Variants in HTR1F observed in about 807,000 individuals in gnomAD.
The protein encoded by HTR1F is 5-hydroxytryptamine (serotonin) receptor 1F, G protein-coupled.
In HTR1F, 17 loss-of-function variants were observed where a neutral mutation model predicts 24.0. The ratio of observed to expected loss-of-function variants is 0.71; its 90% confidence interval spans 0.48 to 1.06. The LOEUF is 1.06. Among genes scored for constraint, HTR1F ranks in the 50% least tolerant of loss-of-function variants. The probability of loss-of-function intolerance (pLI) is 0.00; values close to 1 mark genes in which losing one functional copy is unlikely to be tolerated. For synonymous variants in HTR1F, 186 were observed against 156.8 expected, an observed-to-expected ratio of 1.19 and a Z score of -1.39; for missense variants, 391 against 427.8, an observed-to-expected ratio of 0.91 and a Z score of 0.76.
At chr3:87,968,348 G>A (rs551892954) in intron 2 of HTR1F, among the ~76,000 whole-genome samples, 1 of 152,056 alleles carries the variant, frequency 6.6e-6, no homozygotes, top group African/African-American at 2.4e-5. Context: ...AAGTAGCTGC[G>A]ATTACAGATG....
At chr3:87,836,270 A>G (rs1239847815) in intron 2 of HTR1F, among the ~76,000 whole-genome samples, 1 of 152,208 alleles carries the variant, frequency 6.6e-6, no homozygotes, top group Non-Finnish European at 1.5e-5. Flanking sequence ...TAGTCATAAA[A>G]TTACCATTAG....
intron 2 of HTR1F, among the ~76,000 whole-genome samples, chr3:87,980,120 C>G (rs946991110): frequency 2.6e-5 from 4 of 152,182 alleles, no homozygotes; most frequent in Non-Finnish European, 4.4e-5. Flanking sequence ...TTCAGTGGGT[C>G]CCAAATTCTT....
intron 2 of HTR1F, among the ~76,000 whole-genome samples, chr3:87,858,786 C>G (rs1381067637): frequency 6.6e-6 from 1 of 152,058 alleles, no homozygotes; most frequent in Non-Finnish European, 1.5e-5. Flanking sequence ...TGAAAGTGAG[C>G]ACATCCTCTG....
chr3:87,794,385 G>C lies in HTR1F; in HGVS notation c.-160+1543G>C, dbSNP rs149635018. Among the ~76,000 whole-genome samples, 941 of 152,292 alleles carry C rather than the reference G, an allele frequency of 6.2e-3. 18 individuals are homozygous for C. Among genetic ancestry groups the C allele is most frequent in the Non-Finnish European group, 4.6e-3 (316 of 68,038 alleles). The stretch of plus-strand genomic sequence containing the variant: ...GTTTCAAAGTGAGTCTTGAGAATGA[G>C]AGTATGTATTCACTGTTTCCAATCA... On this transcript the variant is annotated intron_variant, in intron 1 of 2. Coordinates refer to ENST00000319595, the MANE Select transcript of HTR1F (RefSeq NM_001322209.2).
At chr3:87,898,823 T>C (rs1706258105) in intron 2 of HTR1F, among the ~76,000 whole-genome samples, 1 of 152,162 alleles carries the variant, frequency 6.6e-6, no homozygotes, top group African/African-American at 2.4e-5. Flanking sequence ...TATAAGCAAC[T>C]CAGAGAAATC....
At chr3:87,857,467 T>C (rs892454424) in intron 2 of HTR1F, among the ~76,000 whole-genome samples, 2 of 152,162 alleles carry the variant, frequency 1.3e-5, no homozygotes, top group Non-Finnish European at 2.9e-5. Flanking sequence ...AGTTCTAGTA[T>C]TATTTTTCCA....
In HTR1F at chr3:87,792,802, C is replaced by T. The variant is rs1000745661; in HGVS notation, c.-200C>T. The stretch of plus-strand genomic sequence containing the variant: ...CCCTCCCGCGCCCCGGGGCTGGGGG[C>T]GCCACCTTGCCAGCTCCGACTGCTG... On this transcript the variant is annotated 5_prime_UTR_variant, in exon 1 of 3. Coordinates refer to ENST00000319595, the MANE Select transcript of HTR1F (RefSeq NM_001322209.2). 1.3e-5 allele frequency among the ~76,000 whole-genome samples: 2 copies of T among 152,174 alleles called. No homozygotes were observed. Among genetic ancestry groups the T allele is most frequent in the African/African-American group, 4.8e-5 (2 of 41,444 alleles).
intron 2 of HTR1F, among the ~76,000 whole-genome samples, chr3:87,915,053 G>A (rs1319505671): frequency 1.3e-5 from 2 of 152,148 alleles, no homozygotes. Context: ...CCCAGTACCA[G>A]CCCAGAGGCA....
intron 2 of HTR1F, among the ~76,000 whole-genome samples, chr3:87,988,323 C>A (rs1449843574): frequency 4.1e-5 from 6 of 146,258 alleles, no homozygotes; most frequent in Admixed American, 2.7e-4. Context: ...AAAAAAAAAA[C>A]AGAAAGGCAA....
At position 87,842,065 on chromosome 3, in the gene HTR1F, C is replaced by T. The variant is rs182728150; in HGVS notation, c.-43+19941C>T. On this transcript the variant is annotated intron_variant, in intron 2 of 2. Coordinates refer to ENST00000319595, the MANE Select transcript of HTR1F (RefSeq NM_001322209.2). ...TGATTAGATTGGAAAAGAATTTCTT[C>T]ATTCCCATTAAGGTTACATTGTATA... 2.2e-3 allele frequency among the ~76,000 whole-genome samples: 335 copies of T among 151,948 alleles called. 9 individuals carry two copies. The highest frequency in any genetic ancestry group is 0.02 in the Admixed American group (303 of 15,272).
chr3:87,846,840 C>G (rs530213435), intron 2 of HTR1F, among the ~76,000 whole-genome samples: 1 of 151,940 alleles, frequency 6.6e-6, no homozygotes, highest in South Asian at 2.1e-4. Flanking sequence ...GTTTTTCCTG[C>G]TGGAGTTGAA....
At chr3:87,911,718 A>C (rs188395764) in intron 2 of HTR1F, among the ~76,000 whole-genome samples, 60 of 152,126 alleles carry the variant, frequency 3.9e-4, no homozygotes, top group African/African-American at 1.4e-3. Context: ...CTAATCCACC[A>C]CTCTCAAGTA....
At chr3:87,834,464 T>G (rs1195609338) in intron 2 of HTR1F, among the ~76,000 whole-genome samples, 2 of 152,024 alleles carry the variant, frequency 1.3e-5, no homozygotes, top group Non-Finnish European at 2.9e-5. Context: ...CTATTTCCCA[T>G]TAGTCTGTTT....
chr3:87,836,892 A>C (rs1190540926), intron 2 of HTR1F, among the ~76,000 whole-genome samples: 1 of 120,394 alleles, frequency 8.3e-6, no homozygotes, highest in Non-Finnish European at 1.6e-5. Context: ...ATTATAAATT[A>C]ATTATAACTT....
At chr3:87,923,301 T>C (rs533181783) in intron 2 of HTR1F, among the ~76,000 whole-genome samples, 1 of 152,128 alleles carries the variant, frequency 6.6e-6, no homozygotes, top group Admixed American at 6.6e-5. Flanking sequence ...CTGTGAATCA[T>C]GTTATTGGTA....
chr3:87,937,378 G>A (rs111265140), intron 2 of HTR1F, among the ~76,000 whole-genome samples: 1 of 152,118 alleles, frequency 6.6e-6, no homozygotes, highest in Non-Finnish European at 1.5e-5. Context: ...CGACATGATT[G>A]TCTCAGTAGA....
intron 1 of HTR1F, among the ~76,000 whole-genome samples, chr3:87,807,150 CT>C (rs1235463469): frequency 3.3e-5 from 5 of 151,810 alleles, no homozygotes; most frequent in Non-Finnish European, 5.9e-5. Context: ...ATTATTTTTT[CT>C]ATTTCTGTAA....
intron 2 of HTR1F, among the ~76,000 whole-genome samples, chr3:87,966,274 G>A (rs1426504882): frequency 2.0e-5 from 3 of 152,068 alleles, no homozygotes; most frequent in African/African-American, 7.3e-5. Context: ...ACCTCCCAAA[G>A]ACCTCCCCTC....
At chr3:87,913,214 C>T (rs1043841760) in intron 2 of HTR1F, among the ~76,000 whole-genome samples, 6 of 151,862 alleles carry the variant, frequency 4.0e-5, no homozygotes, top group Non-Finnish European at 7.4e-5. Context: ...ATATTAAGCA[C>T]CTATAAGGAA....
Sources: allele counts gnomAD v4.1 joint callset (sites outside exome capture counted in the v4.1 genomes callset), GRCh38; gene constraint gnomAD v4.1.1; transcripts MANE v1.5; gene names NCBI Gene and HGNC (gene_info 2026-07-23, HGNC 2026-07-21).